Variants in CTNND2 observed in about 807,000 individuals in gnomAD.
CTNND2 encodes the protein catenin delta-2.
CTNND2 carries 22 observed loss-of-function variants against 144.4 expected under a neutral mutation model. The observed-to-expected ratio is 0.15, with a 90% CI of 0.11 to 0.22. CTNND2 has a LOEUF of 0.22. Ranked by LOEUF, CTNND2 falls within the 10% of genes least tolerant of loss-of-function variation. CTNND2 has a pLI of 1.00. For synonymous variants in CTNND2, 751 were observed against 695.6 expected (o/e 1.08, Z -1.25); for missense variants, 1,353 against 1,618.8 (o/e 0.84, Z 2.82).
intron 12 of CTNND2, among the ~76,000 whole-genome samples, chr5:11,156,884 C>T (rs144037210): frequency 1.1e-4 from 17 of 152,324 alleles, no homozygotes; most frequent in Middle Eastern, 3.4e-3. Flanking sequence ...CACATGGATG[C>T]CACTCCGTTT....
chr5:11,678,791 T>G (rs2126621259), intron 2 of CTNND2, among the ~76,000 whole-genome samples: 1 of 151,646 alleles, frequency 6.6e-6, no homozygotes. Context: ...AGGAAAAAAG[T>G]AAAATGTTCC....
chr5:11,351,089 T>C (rs1190655089), intron 8 of CTNND2, among the ~76,000 whole-genome samples: 1 of 152,224 alleles, frequency 6.6e-6, no homozygotes, highest in Non-Finnish European at 1.5e-5. Flanking sequence ...TCCATTAGTA[T>C]GGATAAATTA....
chr5:11,396,827 T>C (rs1428610323), intron 6 of CTNND2, among the ~76,000 whole-genome samples: 2 of 152,130 alleles, frequency 1.3e-5, no homozygotes, highest in African/African-American at 4.8e-5. Context: ...CTAAAGAAAA[T>C]GTCTGTAATT....
chr5:11,750,858 C>A (rs568458938), intron 1 of CTNND2, among the ~76,000 whole-genome samples: 3 of 151,802 alleles, frequency 2.0e-5, no homozygotes, highest in East Asian at 3.9e-4. Context: ...ATCTTATACA[C>A]CAAGATGTAA....
chr5:11,839,122 G>A (rs1368311984), intron 1 of CTNND2, among the ~76,000 whole-genome samples: 1 of 151,968 alleles, frequency 6.6e-6, no homozygotes, highest in Admixed American at 6.6e-5. Context: ...ATGAATCTCA[G>A]CCTTTTTATG....
At chr5:11,278,671 A>G (rs1580780186) in intron 9 of CTNND2, among the ~76,000 whole-genome samples, 1 of 152,290 alleles carries the variant, frequency 6.6e-6, no homozygotes, top group East Asian at 1.9e-4. Flanking sequence ...CAGGATACAC[A>G]TATGTGTGCA....
At chr5:11,429,762 G>GA (rs1763109403) in intron 3 of CTNND2, among the ~76,000 whole-genome samples, 2 of 152,120 alleles carry the variant, frequency 1.3e-5, no homozygotes, top group Non-Finnish European at 2.9e-5. Context: ...TCAGAAAAAC[G>GA]AAGTGATGAA....
chr5:11,263,167 T>C (rs1745088220), intron 9 of CTNND2, among the ~76,000 whole-genome samples: 2 of 152,220 alleles, frequency 1.3e-5, no homozygotes, highest in Admixed American at 1.3e-4. Context: ...TTCTAAATTT[T>C]CTTTTTCCAT....
At chr5:11,034,888 ATACTT>A (rs1406676177) in intron 16 of CTNND2, among the ~76,000 whole-genome samples, 2 of 150,864 alleles carry the variant, frequency 1.3e-5, no homozygotes, top group African/African-American at 4.9e-5. Context: ...TATTATTATT[ATACTT>A]TAAGTTTTAG....
chr5:11,337,076 A>T (rs16901509), intron 9 of CTNND2, among the ~76,000 whole-genome samples: 1,563 of 152,298 alleles, frequency 0.01, 30 homozygotes, highest in African/African-American at 0.036. Flanking sequence ...GACTAGACCC[A>T]CAAAATCTTC....
chr5:11,276,604 C>T (rs944619904), intron 9 of CTNND2, among the ~76,000 whole-genome samples: 3 of 152,132 alleles, frequency 2.0e-5, no homozygotes, highest in Admixed American at 2.0e-4. Flanking sequence ...TGCAAAGTGG[C>T]CCCCAAAAAG....
chr5:11,372,478 C>T (rs969387733), intron 7 of CTNND2, among the ~76,000 whole-genome samples: 4 of 152,138 alleles, frequency 2.6e-5, no homozygotes, highest in Admixed American at 1.3e-4. Flanking sequence ...TTCTTCCTCT[C>T]TAGTGAAATG....
intron 21 of CTNND2, among the ~76,000 whole-genome samples, chr5:10,975,905 T>C (rs1736406923): frequency 6.6e-6 from 1 of 152,244 alleles, no homozygotes; most frequent in Admixed American, 6.5e-5. Flanking sequence ...ACTGTTGTCA[T>C]GTTCTCTCTG....
intron 2 of CTNND2, among the ~76,000 whole-genome samples, chr5:11,706,003 A>G (rs1342456252): frequency 6.6e-6 from 1 of 152,218 alleles, no homozygotes; most frequent in Non-Finnish European, 1.5e-5. Flanking sequence ...AGGAATTATG[A>G]GTAACCTTTA....
intron 3 of CTNND2, among the ~76,000 whole-genome samples, chr5:11,553,332 T>C (rs1323865359): frequency 6.6e-6 from 1 of 152,206 alleles, no homozygotes; most frequent in East Asian, 1.9e-4. Flanking sequence ...GAGACAAACA[T>C]GGTACTACTC....
At chr5:11,419,146 C>T (rs1313879698) in intron 3 of CTNND2, among the ~76,000 whole-genome samples, 5 of 151,626 alleles carry the variant, frequency 3.3e-5, no homozygotes, top group African/African-American at 1.2e-4. Context: ...TACAGGGGGT[C>T]AGAAGGGTGA....
At chr5:11,775,837 A>C (rs1790222439) in intron 1 of CTNND2, among the ~76,000 whole-genome samples, 1 of 152,204 alleles carries the variant, frequency 6.6e-6, no homozygotes, top group Non-Finnish European at 1.5e-5. Flanking sequence ...AATCAAGTTA[A>C]AATGAGATCA....
chr5:11,668,188 T>A (rs2126591465), intron 2 of CTNND2, among the ~76,000 whole-genome samples: 1 of 152,340 alleles, frequency 6.6e-6, no homozygotes, highest in South Asian at 2.1e-4. Context: ...TAGTTTGAAG[T>A]CAGGTAGCAT....
chr5:11,472,288 G>C (rs1481673683), intron 3 of CTNND2, among the ~76,000 whole-genome samples: 1 of 152,168 alleles, frequency 6.6e-6, no homozygotes, highest in African/African-American at 2.4e-5. Flanking sequence ...CTCAAGCCTT[G>C]ACGTAGCTTT....
Sources: gnomAD v4.1 joint callset for allele counts (sites outside exome capture counted in the v4.1 genomes callset) on GRCh38, gnomAD v4.1.1 for gene constraint, MANE v1.5 for transcripts, NCBI Gene and HGNC (gene_info 2026-07-23, HGNC 2026-07-21) for gene names.